The following CASQ2 variants were observed in gnomAD, a reference collection of about 807,000 sequenced individuals.
CASQ2 encodes the protein calsequestrin-2.
Under a neutral mutation model 46.5 loss-of-function variants are expected in CASQ2, and 49 were observed. The ratio of observed to expected loss-of-function variants is 1.05; its 90% CI spans 0.84 to 1.34. The LOEUF is 1.34. Among genes scored for constraint, CASQ2 ranks in the 40% most tolerant of loss-of-function variants. The pLI, the probability that CASQ2 is intolerant of heterozygous loss-of-function variation, is 0.00. For synonymous variants in CASQ2, 174 were observed against 168.5 expected (o/e 1.03, Z -0.25); for missense variants, 486 against 481.3 (o/e 1.01, Z -0.09).
intron 2 of CASQ2, among the ~76,000 whole-genome samples, chr1:115,743,197 G>GTTTATTTATTTA (rs61424506): frequency 1.9e-3 from 70 of 36,456 alleles, no homozygotes; most frequent in Admixed American, 2.8e-3. Context: ...CTTTATTTTT[G>GTTTATTTATTTA]TTTATTTATT....
chr1:115,754,241 G>T (rs1648679823), intron 1 of CASQ2, among the ~76,000 whole-genome samples: 1 of 152,186 alleles, frequency 6.6e-6, no homozygotes, highest in Non-Finnish European at 1.5e-5. Context: ...CTATTTTATG[G>T]GGTTCAAGCG....
chr1:115,750,221 A>G (rs991245726), intron 1 of CASQ2, among the ~76,000 whole-genome samples: 3 of 152,212 alleles, frequency 2.0e-5, no homozygotes, highest in South Asian at 2.1e-4. Flanking sequence ...TAGAGTCAAT[A>G]TATCTCCTAA....
At position 115,744,877 on chromosome 1, in the gene CASQ2, G is replaced by T. The variant is rs72554056; in HGVS notation, c.270C>A (p.Gly90=). ...VAQVLEHKAI[G]FVMVDAKKEA... is the part of the protein sequence containing the mutation. Reference sequence around the variant, plus strand: ...CTTTCTTGGCATCCACCATCACAAAGCCTATAGCTTTATGTTCAAGGACCT... The same window carrying T: ...CTTTCTTGGCATCCACCATCACAAATCCTATAGCTTTATGTTCAAGGACCT... Residue 90 remains glycine, a synonymous_variant, in exon 2 of 11, where the codon GGC becomes GGA. Coordinates refer to ENST00000261448, the MANE Select transcript of CASQ2 (RefSeq NM_001232.4). 2.1e-4 allele frequency: 336 copies of T among 1,613,604 alleles called. No homozygotes were observed. The highest frequency in any genetic ancestry group is 2.8e-4 in the Non-Finnish European group (328 of 1,179,824).
At chr1:115,730,534 G>A (rs1233064630) in intron 5 of CASQ2, among the ~76,000 whole-genome samples, 2 of 152,068 alleles carry the variant, frequency 1.3e-5, no homozygotes, top group Middle Eastern at 3.2e-3. Flanking sequence ...AATTAATTAA[G>A]GACATTTCCA....
intron 8 of CASQ2, among the ~76,000 whole-genome samples, chr1:115,712,846 A>G (rs1654589577): frequency 8.5e-6 from 1 of 117,286 alleles, no homozygotes; most frequent in Non-Finnish European, 1.8e-5. Context: ...ATAGAGGGAG[A>G]CTGCCTCAAA....
At chr1:115,729,922 G>A (rs947637565) in intron 5 of CASQ2, among the ~76,000 whole-genome samples, 1 of 152,294 alleles carries the variant, frequency 6.6e-6, no homozygotes, top group South Asian at 2.1e-4. Flanking sequence ...GACAGAGAGA[G>A]GAACAGGTCA....
rs1336794001 is a variant in CASQ2, at chr1:115,738,298, A to G, written c.458T>C (p.Leu153Pro). The change falls in exon 4 of 11, where the codon CTG becomes CCG. Residue 153 changes from leucine to proline, a missense_variant. Coordinates refer to ENST00000261448, the MANE Select transcript of CASQ2 (RefSeq NM_001232.4). ...EDPVEIISSKLEVQAFERIED... is the reference protein window; with the variant it reads ...EDPVEIISSKPEVQAFERIED... ...AATGCGTTCGAAGGCTTGGACTTCC[A>G]GTTTGCTGCTGATGATCTCCACTGG... 1 of 1,613,808 alleles carries G rather than the reference A, an allele frequency of 6.2e-7. No individual in the cohort carries two copies. The highest frequency in any genetic ancestry group is 8.5e-7 in the Non-Finnish European group (1 of 1,179,654).
intron 1 of CASQ2, among the ~76,000 whole-genome samples, chr1:115,763,128 G>A (rs1296340827): frequency 1.3e-5 from 2 of 152,128 alleles, no homozygotes; most frequent in Non-Finnish European, 2.9e-5. Context: ...TTTAATTCAG[G>A]TTGTTTTCAT....
chr1:115,711,461 A>G (rs1258129978), intron 8 of CASQ2, among the ~76,000 whole-genome samples: 1 of 152,192 alleles, frequency 6.6e-6, no homozygotes, highest in East Asian at 1.9e-4. Flanking sequence ...GCATGTTGAT[A>G]TAACGAGATG....
intron 1 of CASQ2, among the ~76,000 whole-genome samples, chr1:115,757,159 G>A (rs1648790386): frequency 6.6e-6 from 1 of 152,070 alleles, no homozygotes; most frequent in South Asian, 2.1e-4. Context: ...TAATTCCATA[G>A]GTGAAAGGAA....
chr1:115,715,416 A>G (rs1654669505), intron 8 of CASQ2, among the ~76,000 whole-genome samples: 1 of 152,222 alleles, frequency 6.6e-6, no homozygotes, highest in South Asian at 2.1e-4. Flanking sequence ...TGTCATTGGG[A>G]CACCTTGAAA....
At chr1:115,755,020 C>G (rs915995888) in intron 1 of CASQ2, among the ~76,000 whole-genome samples, 1 of 152,146 alleles carries the variant, frequency 6.6e-6, no homozygotes, top group Non-Finnish European at 1.5e-5. Context: ...TGCCAGGGTC[C>G]CAGGTGCTGC....
At chr1:115,716,380 C>T (rs1466258050) in intron 8 of CASQ2, among the ~76,000 whole-genome samples, 1 of 152,190 alleles carries the variant, frequency 6.6e-6, no homozygotes, top group Non-Finnish European at 1.5e-5. Context: ...TTCCCCAGGT[C>T]TCATTATTTA....
At chr1:115,736,879 A>G (rs1230746589) in intron 4 of CASQ2, among the ~76,000 whole-genome samples, 1 of 152,200 alleles carries the variant, frequency 6.6e-6, no homozygotes, top group African/African-American at 2.4e-5. Context: ...TAAGGCATCC[A>G]TATAAGCTCC....
intron 1 of CASQ2, among the ~76,000 whole-genome samples, chr1:115,748,213 T>G (rs1178568842): frequency 6.6e-6 from 1 of 152,242 alleles, no homozygotes; most frequent in Non-Finnish European, 1.5e-5. Context: ...TTTTCTATGT[T>G]TGTTTCTTTG....
intron 5 of CASQ2, among the ~76,000 whole-genome samples, chr1:115,730,133 G>A (rs1431594255): frequency 6.6e-6 from 1 of 152,054 alleles, no homozygotes; most frequent in African/African-American, 2.4e-5. Context: ...AAATTCCTTG[G>A]GTGGCTTTTG....
intron 5 of CASQ2, among the ~76,000 whole-genome samples, chr1:115,728,673 T>C (rs897670679): frequency 1.3e-5 from 2 of 151,998 alleles, no homozygotes; most frequent in Non-Finnish European, 2.9e-5. Context: ...TGCTGCCAGG[T>C]GTTTTAGGTT....
At chr1:115,711,747 C>T (rs547113623) in intron 8 of CASQ2, among the ~76,000 whole-genome samples, 2 of 151,808 alleles carry the variant, frequency 1.3e-5, no homozygotes, top group African/African-American at 4.8e-5. Context: ...CTCTGCCTCC[C>T]GGGTTCAAGT....
chr1:115,738,390 C>G (rs1349726661), intron 3 of CASQ2, 55 bp from the exon 4 acceptor site: 6 of 1,146,114 alleles, frequency 5.2e-6, no homozygotes, highest in Non-Finnish European at 8.0e-6. Flanking sequence ...TCCTTCTTCA[C>G]TGGGGAAACA....
Sources: allele counts gnomAD v4.1 joint callset (sites outside exome capture counted in the v4.1 genomes callset), GRCh38; gene constraint gnomAD v4.1.1; transcripts MANE v1.5; gene names NCBI Gene and HGNC (gene_info 2026-07-23, HGNC 2026-07-21).